PEX6: variants seen among roughly 807,000 people sequenced by gnomAD.
PEX6 encodes peroxisome biogenesis factor 6.
Under a neutral mutation model 85.6 loss-of-function variants are expected in PEX6, and 55 were observed. The observed-to-expected ratio is 0.64, with a 90% CI of 0.52 to 0.80. The LOEUF is 0.80. PEX6 is among the 30% of genes least tolerant of loss of function. The probability of loss-of-function intolerance (pLI) is 0.00; values close to 1 mark genes in which losing one functional copy is unlikely to be tolerated. For synonymous variants in PEX6, 519 were observed against 549.1 expected (o/e 0.95, Z 0.77); for missense variants, 1,099 against 1,260.3 (o/e 0.87, Z 1.94).
At position 42,975,001 on chromosome 6, in the gene PEX6, CCTTT is replaced by C. The variant is rs2150236148; in HGVS notation, c.916_919del (p.Lys306GlufsTer44). 2 of 1,613,570 alleles carry C rather than the reference CCTTT, an allele frequency of 1.2e-6. No individual in the cohort carries two copies. Among genetic ancestry groups the C allele is most frequent in the Non-Finnish European group, 1.7e-6 (2 of 1,179,858 alleles). ...AGGCCCAGGCAGCAATGAGCAGCTT[CCTTT>C]GTCTTCAGGGGCGATGGAGCCTTCC... On this transcript the variant is annotated frameshift_variant, in exon 2 of 17. Coordinates refer to ENST00000304611, the MANE Select transcript of PEX6 (RefSeq NM_000287.4). LOFTEE classifies it high-confidence loss of function.
chr6:42,965,174 T>G lies in PEX6; in HGVS notation c.2589-22A>C. 2 of 1,613,660 alleles carry G rather than the reference T, an allele frequency of 1.2e-6. No homozygotes were observed. Among genetic ancestry groups the G allele is most frequent in the Non-Finnish European group, 1.7e-6 (2 of 1,179,608 alleles). On this transcript the variant is annotated intron_variant, in intron 14 of 16. Transcript: ENST00000304611. This position sits in a 1 kb window ranked among gnomAD's most constrained non-coding sequence, Gnocchi z 5.0. Reference sequence around the variant, plus strand: ...AAATCTTTAGGGAGATAGGCAGGTATAAGTTTCAGGGAGCCCAGCCATGAG... The same window carrying G: ...AAATCTTTAGGGAGATAGGCAGGTAGAAGTTTCAGGGAGCCCAGCCATGAG...
Position 42,965,734 on chromosome 6 carries a change from G to C in PEX6, c.2418C>G (p.Asp806Glu). The C allele has an allele frequency of 3.1e-6, 5 of 1,614,106 alleles. No individual in the cohort carries two copies. The highest frequency in any genetic ancestry group is 4.2e-6 in the Non-Finnish European group (5 of 1,179,988). ...APCIIFFDELDSLAPSRGRSG... is the reference protein window; with the variant it reads ...APCIIFFDELESLAPSRGRSG... ...TTCGCCCCCGGCTTGGGGCCAAAGA[G>C]TCCAGTTCATCAAAGAAGATAATGC... is the stretch of plus-strand genomic sequence containing the variant. Residue 806 changes from aspartate to glutamate, a missense_variant, in exon 13 of 17, where the codon GAC (aspartate) becomes GAG (glutamate). Physicochemically the swap from Asp to Glu is conservative, Grantham distance 45 (BLOSUM62 2). Coordinates refer to ENST00000304611, the MANE Select transcript of PEX6 (RefSeq NM_000287.4). The surrounding 1 kb of genome is among the most constrained non-coding windows in gnomAD (Gnocchi z 5.0).
chr6:42,972,780 AAAAAAAAAG>A (rs1770110992), intron 3 of PEX6, among the ~76,000 whole-genome samples: 1 of 140,082 alleles, frequency 7.1e-6, no homozygotes, highest in Non-Finnish European at 1.5e-5. Context: ...AAAAAAAAAA[AAAAAAAAAG>A]AGAAATCCCT....
Position 42,974,521 on chromosome 6 carries a change from G to A in PEX6, c.1046+354C>T, listed in dbSNP as rs561503288. 2.6e-3 allele frequency among the ~76,000 whole-genome samples: 374 copies of A among 141,590 alleles called. 2 individuals are homozygous for A. Among genetic ancestry groups the A allele is most frequent in the African/African-American group, 9.5e-3 (363 of 38,012 alleles). The allele number at this position is 141,590 out of a possible 152,430, so 92.9% of individuals were successfully genotyped here. Reference sequence around the variant, plus strand: ...CGCCCAGGCTAGAGTGCAGTGGTGCGATCTCGGCTCACTGCAAGCTCCACC... The same window carrying A: ...CGCCCAGGCTAGAGTGCAGTGGTGCAATCTCGGCTCACTGCAAGCTCCACC... On this transcript the variant is annotated intron_variant, in intron 2 of 16. Coordinates refer to ENST00000304611, the MANE Select transcript of PEX6 (RefSeq NM_000287.4).
chr6:42,967,008 T>C (rs1026808944), intron 8 of PEX6, 150 bp from the exon 9 acceptor site: 5 of 699,380 alleles, frequency 7.1e-6, no homozygotes, highest in Non-Finnish European at 1.2e-5. Context: ...GTTTTGCTCT[T>C]GTTGCTCAGG....
In PEX6 at chr6:42,964,487, T is replaced by C. The variant is rs927742518; in HGVS notation, c.2807-16A>G. ...GGCTCCAGCCCTGGAGATGACAAGG[T>C]GGGGAGGCTGTGGTCTATGCCCAGG... On this transcript the variant is annotated splice_polypyrimidine_tract_variant and intron_variant, in intron 16 of 16. Coordinates refer to ENST00000304611, the MANE Select transcript of PEX6 (RefSeq NM_000287.4). The surrounding 1 kb of genome is among the most constrained non-coding windows in gnomAD (Gnocchi z 4.6). 6.2e-7 allele frequency: 1 copy of C among 1,612,654 alleles called. No homozygotes were observed. Among genetic ancestry groups the C allele is most frequent in the Admixed American group, 1.7e-5 (1 of 60,018 alleles).
In PEX6 at chr6:42,965,828, G is replaced by A; in HGVS notation, c.2363-39C>T. The A allele has an allele frequency of 6.4e-7, 1 of 1,562,812 alleles. No homozygotes were observed. The highest frequency in any genetic ancestry group is 8.8e-7 in the Non-Finnish European group (1 of 1,133,978). ...GGGGCCCACAGGAGGGCAAAGCTCGGCTTGTGGGGGGTTGAAGTTAGGTGA... is the reference window on the plus strand; with the variant it reads ...GGGGCCCACAGGAGGGCAAAGCTCGACTTGTGGGGGGTTGAAGTTAGGTGA... On this transcript the variant is annotated intron_variant, in intron 12 of 16. Coordinates refer to ENST00000304611, the MANE Select transcript of PEX6 (RefSeq NM_000287.4). This position sits in a 1 kb window ranked among gnomAD's most constrained non-coding sequence, Gnocchi z 5.0.
At chr6:42,974,459 T>TG (rs1337114076) in intron 2 of PEX6, among the ~76,000 whole-genome samples, 5 of 112,938 alleles carry the variant, frequency 4.4e-5, no homozygotes, top group Admixed American at 1.6e-4. Flanking sequence ...TTGTTTTTTT[T>TG]TTTTTTTTTT....
At chr6:42,976,142 T>C (rs923796538) in intron 1 of PEX6, among the ~76,000 whole-genome samples, 3 of 152,014 alleles carry the variant, frequency 2.0e-5, no homozygotes, top group Non-Finnish European at 4.4e-5. Context: ...TCTGCCTGCC[T>C]TGGCCTCCCA....
rs1769958049 is a variant in PEX6, at chr6:42,969,040, C to T, written c.1368-55G>A. On this transcript the variant is annotated intron_variant, in intron 5 of 16. Coordinates refer to ENST00000304611, the MANE Select transcript of PEX6 (RefSeq NM_000287.4). ...TTCATTTTGCCCAAACATTAGAGTC[C>T]CCAGTAACACAAGATCCCTTAGATC... 6 of 1,150,906 alleles carry T rather than the reference C, an allele frequency of 5.2e-6. No homozygotes were observed. In the South Asian group the frequency reaches 7.4e-5, roughly 14 times the overall value. 71.3% of individuals were successfully genotyped at this position (1,150,906 alleles called of 1,614,324 possible).
chr6:42,976,335 A>G (rs568855979), intron 1 of PEX6, among the ~76,000 whole-genome samples: 3 of 152,070 alleles, frequency 2.0e-5, no homozygotes, highest in East Asian at 1.9e-4. Flanking sequence ...TAAACACTAT[A>G]CTGTATTTGT....
chr6:42,964,488 G>C lies in PEX6; in HGVS notation c.2807-17C>G. ...GCTCCAGCCCTGGAGATGACAAGGT[G>C]GGGAGGCTGTGGTCTATGCCCAGGC... On this transcript the variant is annotated splice_polypyrimidine_tract_variant and intron_variant, in intron 16 of 16. Transcript: ENST00000304611. This position sits in a 1 kb window ranked among gnomAD's most constrained non-coding sequence, Gnocchi z 4.6. 1.9e-6 allele frequency: 3 copies of C among 1,612,624 alleles called. No homozygotes were observed. Among genetic ancestry groups the C allele is most frequent in the Middle Eastern group, 1.9e-4 (1 of 5,372 alleles).
chr6:42,977,738 C>T (rs1398352101), intron 1 of PEX6, among the ~76,000 whole-genome samples: 1 of 116,960 alleles, frequency 8.5e-6, no homozygotes, highest in Non-Finnish European at 1.6e-5. Flanking sequence ...CACCACATTC[C>T]AGCCTGGGTG....
Position 42,964,246 on chromosome 6 carries a change from G to A in PEX6, c.*89C>T. 1 of 1,533,246 alleles carries A rather than the reference G, an allele frequency of 6.5e-7. No homozygotes were observed. Among genetic ancestry groups the A allele is most frequent in the Non-Finnish European group, 9.0e-7 (1 of 1,111,682 alleles). 95.0% of individuals were successfully genotyped at this position (1,533,246 alleles called of 1,614,324 possible). ...CCTCCAGGTGGGTTGGCAGCAGCCT[G>A]AGGAGGAGCCCTTCCTTCCCAGATC... On this transcript the variant is annotated 3_prime_UTR_variant, in exon 17 of 17. Coordinates refer to ENST00000304611, the MANE Select transcript of PEX6 (RefSeq NM_000287.4). This position sits in a 1 kb window ranked among gnomAD's most constrained non-coding sequence, Gnocchi z 4.6.
In PEX6 at chr6:42,967,531, C is replaced by A; in HGVS notation, c.1721G>T (p.Ser574Ile). The change falls in exon 8 of 17, where the codon AGC becomes ATC. Residue 574 changes from serine (S) to isoleucine (I), a missense_variant. Around this residue, in one of 3 missense-constraint regions of PEX6, gnomAD observed 514 missense variants for 627.0 expected, o/e 0.82. Transcript: ENST00000304611. ...ATCAGCAGGCAGGTCCTGGGCCCGGCTTGTGGTGGCCACAACCATGAGGGG... is the reference window on the plus strand; with the variant it reads ...ATCAGCAGGCAGGTCCTGGGCCCGGATTGTGGTGGCCACAACCATGAGGGG... ...CPPLMVVATT[S>I]RAQDLPADVQ... 6.2e-7 allele frequency: 1 copy of A among 1,605,496 alleles called. No homozygotes were observed. The highest frequency in any genetic ancestry group is 8.5e-7 in the Non-Finnish European group (1 of 1,176,704).
chr6:42,964,958 T>C lies in PEX6; in HGVS notation c.2667-29A>G, dbSNP rs1769693441. ...TTGTGGGATACAGGAAGAAACAGAGTTGGCATCACCTCCTCCCTCGAAAGC... is the reference window on the plus strand; with the variant it reads ...TTGTGGGATACAGGAAGAAACAGAGCTGGCATCACCTCCTCCCTCGAAAGC... On this transcript the variant is annotated intron_variant, in intron 15 of 16. Transcript: ENST00000304611. This position sits in a 1 kb window ranked among gnomAD's most constrained non-coding sequence, Gnocchi z 4.6. 1.2e-6 allele frequency: 2 copies of C among 1,613,838 alleles called. No homozygotes were observed. The highest frequency in any genetic ancestry group is 1.7e-6 in the Non-Finnish European group (2 of 1,179,988).
Position 42,971,344 on chromosome 6 carries a change from G to A in PEX6, c.1131-1357C>T, listed in dbSNP as rs115786102. Among the ~76,000 whole-genome samples the A allele has an allele frequency of 2.2e-4, 33 of 152,324 alleles. No homozygotes were observed. Among genetic ancestry groups the A allele is most frequent in the African/African-American group, 7.9e-4 (33 of 41,576 alleles). On this transcript the variant is annotated intron_variant, in intron 3 of 16. Coordinates refer to ENST00000304611, the MANE Select transcript of PEX6 (RefSeq NM_000287.4). The surrounding 1 kb of genome is among the most constrained non-coding windows in gnomAD (Gnocchi z 4.4). ...GTGTATGACTCACCATGGAAGCCCT[G>A]CATAGGAATGAGATGGGGGACAGCA...
At position 42,964,228 on chromosome 6, in the gene PEX6, G is replaced by T; in HGVS notation, c.*107C>A. ...TCTCCTGGAGGGAGGTGGCCTCCAG[G>T]TGGGTTGGCAGCAGCCTGAGGAGGA... On this transcript the variant is annotated 3_prime_UTR_variant, in exon 17 of 17. Transcript: ENST00000304611. This position sits in a 1 kb window ranked among gnomAD's most constrained non-coding sequence, Gnocchi z 4.6. The T allele has an allele frequency of 7.2e-7, 1 of 1,386,856 alleles. No individual in the cohort carries two copies. Among genetic ancestry groups the T allele is most frequent in the African/African-American group, 1.4e-5 (1 of 70,406 alleles). 85.9% of individuals were successfully genotyped at this position (1,386,856 alleles called of 1,614,324 possible).
intron 5 of PEX6, among the ~76,000 whole-genome samples, 199 bp from the exon 6 acceptor site, chr6:42,969,184 A>G (rs1769965040): frequency 6.6e-6 from 1 of 152,220 alleles, no homozygotes; most frequent in Non-Finnish European, 1.5e-5. Context: ...CGGGGCATCC[A>G]GCATATCCAA....
Sources: allele counts gnomAD v4.1 joint callset (sites outside exome capture counted in the v4.1 genomes callset), GRCh38; gene constraint gnomAD v4.1.1; regional missense constraint gnomAD v4.1.1; non-coding constraint Gnocchi (gnomAD v3.1); transcripts MANE v1.5; gene names NCBI Gene and HGNC (gene_info 2026-07-23, HGNC 2026-07-21).